The following HECTD4 variants were observed in gnomAD, a reference collection of about 807,000 sequenced individuals.
HECTD4 encodes the protein probable E3 ubiquitin-protein ligase HECTD4.
A neutral mutation model predicts 471.5 loss-of-function variants in HECTD4; 114 were observed. The ratio of observed to expected loss-of-function variants is 0.24; its 90% confidence interval spans 0.21 to 0.28. The LOEUF (loss-of-function observed/expected upper bound fraction) is 0.28, where lower values mean the gene tolerates loss of function less well. HECTD4 is among the 10% of genes least tolerant of loss of function. The probability of loss-of-function intolerance (pLI) is 1.00; values close to 1 mark genes in which losing one functional copy is unlikely to be tolerated. For synonymous variants in HECTD4, 2,012 were observed against 2,256.0 expected, an observed-to-expected ratio of 0.89 and a Z score of 3.07; for missense variants, 3,866 against 5,651.5, an observed-to-expected ratio of 0.68 and a Z score of 10.13.
At chr12:112,308,958 C>G in intron 5 of HECTD4, 67 bp from the exon 6 acceptor site, 1 of 1,439,394 alleles carries the variant, frequency 6.9e-7, no homozygotes, top group Non-Finnish European at 9.2e-7. Context: ...CAAGCTACAA[C>G]AGACACAAAC....
At chr12:112,216,229 G>T in intron 48 of HECTD4, 63 bp downstream of exon 48, 1 of 1,146,492 alleles carries the variant, frequency 8.7e-7, no homozygotes, top group Non-Finnish European at 1.3e-6. Flanking sequence ...ACTTTAACCT[G>T]TTTAGACCCA....
intron 21 of HECTD4, 145 bp downstream of exon 21, chr12:112,256,175 G>T: frequency 1.9e-6 from 1 of 534,136 alleles, no homozygotes; most frequent in Non-Finnish European, 3.1e-6. Flanking sequence ...TCAAAGATAA[G>T]AACTTTATCT....
intron 1 of HECTD4, among the ~76,000 whole-genome samples, chr12:112,347,981 C>T (rs1022300367): frequency 1.3e-5 from 2 of 152,176 alleles, no homozygotes; most frequent in Non-Finnish European, 2.9e-5. Context: ...ATCTTTGCCC[C>T]AGTCTTGAGC....
chr12:112,275,619 CATATATAT>C (rs149305522), intron 9 of HECTD4, among the ~76,000 whole-genome samples: 1 of 147,400 alleles, frequency 6.8e-6, no homozygotes. Context: ...TCCACACCAG[CATATATAT>C]ATATATATAT....
rs1007081457 is a variant in HECTD4 at position 112,319,716 on chromosome 12, C to T, written c.204G>A (p.Pro68=). Residue 68 remains proline (P), a synonymous_variant, in exon 2 of 76, where the codon CCG becomes CCA. Coordinates refer to ENST00000682272, the MANE Select transcript of HECTD4 (RefSeq NM_001388303.1). The surrounding 1 kb of genome is among the most constrained non-coding windows in gnomAD (Gnocchi z 5.3). ...AGCGCAAACGTTCTGCTAATTCCGA[C>T]GGGTTCTTGGTCTCAAAGGTTAAAA... The part of the protein sequence containing the change: ...LEILTFETKN[P]SELAERLRSV... The T allele has an allele frequency of 1.5e-5, 19 of 1,248,190 alleles. No homozygotes were observed. Among genetic ancestry groups the T allele is most frequent in the African/African-American group, 1.4e-4 (9 of 64,854 alleles). 77.3% of individuals were successfully genotyped at this position (1,248,190 alleles called of 1,614,324 possible).
At chr12:112,199,931 T>C (rs1316751508) in intron 55 of HECTD4, among the ~76,000 whole-genome samples, 1 of 152,226 alleles carries the variant, frequency 6.6e-6, no homozygotes, top group Non-Finnish European at 1.5e-5. Context: ...ATGTTGACAA[T>C]TTTGAATCAA....
Position 112,256,528 on chromosome 12 carries a change from A to G in HECTD4, c.3129-10T>C, listed in dbSNP as rs1593981842. 2 of 1,525,332 alleles carry G rather than the reference A, an allele frequency of 1.3e-6. No homozygotes were observed. The highest frequency in any genetic ancestry group is 2.3e-5 in the Admixed American group (1 of 43,162). The allele number at this position is 1,525,332 out of a possible 1,614,324, so 94.5% of individuals were successfully genotyped here. A position where few individuals can be genotyped will look rare whatever the true frequency, so the allele number is the denominator to read the frequency against. The stretch of plus-strand genomic sequence containing the variant: ...CTTCTCTTCTAACATTCTAAACAGA[A>G]AAAGAGAAAGTGATTTAGCTTAGCA... On this transcript the variant is annotated splice_polypyrimidine_tract_variant and intron_variant, in intron 20 of 75. Transcript: ENST00000682272.
At chr12:112,372,121 T>A (rs956116256) in intron 1 of HECTD4, among the ~76,000 whole-genome samples, 7 of 150,406 alleles carry the variant, frequency 4.7e-5, no homozygotes, top group African/African-American at 9.8e-5. Flanking sequence ...TTTTTTTTTT[T>A]AATATTTTGG....
intron 7 of HECTD4, among the ~76,000 whole-genome samples, chr12:112,297,336 G>A (rs2035061421): frequency 6.6e-6 from 1 of 151,578 alleles, no homozygotes; most frequent in Admixed American, 6.6e-5. Context: ...GGGTGTAAAT[G>A]CAGCAAGTGG....
chr12:112,218,447 AT>A (rs1185772830), intron 45 of HECTD4, among the ~76,000 whole-genome samples: 1 of 151,734 alleles, frequency 6.6e-6, no homozygotes, highest in Non-Finnish European at 1.5e-5. Flanking sequence ...TCACTAATCT[AT>A]TTTCTATGTC....
chr12:112,267,249 C>A lies in HECTD4; in HGVS notation c.2322-267G>T, dbSNP rs146078417. 5.6e-5 allele frequency: 24 copies of A among 429,016 alleles called. No individual in the cohort carries two copies. In the East Asian group the frequency reaches 1.1e-3, roughly 19 times the overall value. 26.6% of individuals were successfully genotyped at this position (429,016 alleles called of 1,614,324 possible). ...GACGACCATCCCCGATAGAGGAGGACCGGTCTTCGGTCAAGGGTATACGAG... is the reference window on the plus strand; with the variant it reads ...GACGACCATCCCCGATAGAGGAGGAACGGTCTTCGGTCAAGGGTATACGAG... On this transcript the variant is annotated intron_variant, in intron 13 of 75. Transcript: ENST00000682272.
At chr12:112,281,264 TG>T (rs1438039409) in intron 8 of HECTD4, among the ~76,000 whole-genome samples, 1 of 148,744 alleles carries the variant, frequency 6.7e-6, no homozygotes, top group Non-Finnish European at 1.5e-5. Flanking sequence ...CAAGACCTCA[TG>T]TTTTTTTTAA....
chr12:112,253,065 C>T (rs1040199374), intron 22 of HECTD4, among the ~76,000 whole-genome samples: 1 of 152,084 alleles, frequency 6.6e-6, no homozygotes, highest in Non-Finnish European at 1.5e-5. Flanking sequence ...CTGTCCACCT[C>T]AGCCTCCCAA....
Position 112,162,599 on chromosome 12 carries a change from G to C in HECTD4, c.13121-76C>G, listed in dbSNP as rs781115259. The C allele has an allele frequency of 3.3e-5, 52 of 1,585,640 alleles. No homozygotes were observed. The highest frequency in any genetic ancestry group is 4.2e-5 in the Non-Finnish European group (49 of 1,162,090). The stretch of plus-strand genomic sequence containing the variant: ...TCCCAGGGAAGCTGGGCTGGCCTCT[G>C]CTTCCAGGTTTGCCTCCTTGGGTAG... On this transcript the variant is annotated intron_variant, in intron 75 of 75. Transcript: ENST00000682272. The surrounding 1 kb of genome is among the most constrained non-coding windows in gnomAD (Gnocchi z 5.2).
intron 54 of HECTD4, chr12:112,201,185 C>T (rs764163019): frequency 2.4e-6 from 1 of 416,112 alleles, no homozygotes; most frequent in South Asian, 1.7e-5. Context: ...TCTCTGCCTC[C>T]CAGGTTCAAG....
At chr12:112,305,164 T>C (rs534833986) in intron 7 of HECTD4, among the ~76,000 whole-genome samples, 8 of 152,352 alleles carry the variant, frequency 5.3e-5, no homozygotes, top group African/African-American at 1.9e-4. Context: ...TACTGAGCAC[T>C]TGAACTGTGG....
intron 7 of HECTD4, among the ~76,000 whole-genome samples, chr12:112,284,911 C>T (rs2135644379): frequency 6.6e-6 from 1 of 152,056 alleles, no homozygotes; most frequent in East Asian, 1.9e-4. Context: ...GCTCACTGAA[C>T]CCTCAATCTC....
At chr12:112,199,591 T>C (rs2032351472) in intron 55 of HECTD4, among the ~76,000 whole-genome samples, 1 of 152,240 alleles carries the variant, frequency 6.6e-6, no homozygotes, top group African/African-American at 2.4e-5. Flanking sequence ...CTCTGAATTA[T>C]TACAAGACAT....
intron 71 of HECTD4, 90 bp downstream of exon 71, chr12:112,167,724 G>T: frequency 8.0e-7 from 1 of 1,245,314 alleles, no homozygotes; most frequent in Non-Finnish European, 1.2e-6. Context: ...AAACGGTTTG[G>T]CTTTGATGAG....
Sources: gnomAD v4.1 joint callset for allele counts (sites outside exome capture counted in the v4.1 genomes callset) on GRCh38, gnomAD v4.1.1 for gene constraint, Gnocchi (gnomAD v3.1) non-coding constraint, MANE v1.5 for transcripts, NCBI Gene and HGNC (gene_info 2026-07-23, HGNC 2026-07-21) for gene names.